Variants in BCL2L13 observed in about 807,000 individuals in gnomAD.
BCL2L13 encodes bcl-2-like protein 13.
A neutral mutation model predicts 25.8 loss-of-function variants in BCL2L13; 13 were observed. That is an observed-to-expected ratio of 0.50 (90% CI 0.33 to 0.80). BCL2L13 has a LOEUF of 0.80. BCL2L13 is among the 30% of genes least tolerant of loss of function. The pLI is 0.02. For synonymous variants in BCL2L13, 244 were observed against 230.3 expected (o/e 1.06, Z -0.54); for missense variants, 504 against 574.9 (o/e 0.88, Z 1.26).
At chr22:17,721,341 T>C (rs2145820343) in intron 6 of BCL2L13, among the ~76,000 whole-genome samples, 1 of 152,294 alleles carries the variant, frequency 6.6e-6, no homozygotes, top group East Asian at 1.9e-4. Context: ...GCCCTGTTCA[T>C]ATTTACATTC....
intron 6 of BCL2L13, among the ~76,000 whole-genome samples, chr22:17,721,093 C>G (rs1388558220): frequency 6.6e-6 from 1 of 151,980 alleles, no homozygotes; most frequent in Admixed American, 6.6e-5. Context: ...TGGCATGAAC[C>G]CGGGAGGTGG....
chr22:17,726,350 T>TAAA (rs56121786), intron 6 of BCL2L13, among the ~76,000 whole-genome samples: 1 of 137,088 alleles, frequency 7.3e-6, no homozygotes, highest in Admixed American at 7.3e-5. Context: ...GACTCCATCT[T>TAAA]AAAAAAAAAA....
intron 3 of BCL2L13, among the ~76,000 whole-genome samples, chr22:17,687,491 C>T (rs900654476): frequency 6.6e-5 from 10 of 151,986 alleles, no homozygotes; most frequent in African/African-American, 2.4e-4. Flanking sequence ...TAGGCGTGTG[C>T]CACAGCACCC....
chr22:17,655,050 C>G (rs2058809597), intron 1 of BCL2L13, among the ~76,000 whole-genome samples: 3 of 126,970 alleles, frequency 2.4e-5, no homozygotes, highest in African/African-American at 6.2e-5. Context: ...AAGCTTTTTT[C>G]TGTTTTTAAA....
At chr22:17,702,411 T>A (rs1357601288) in intron 6 of BCL2L13, 25 bp downstream of exon 6, 1 of 1,499,962 alleles carries the variant, frequency 6.7e-7, no homozygotes, top group Non-Finnish European at 8.9e-7. Context: ...ATATTAAAAA[T>A]ATTTTCTTGA....
At chr22:17,689,244 C>T in intron 4 of BCL2L13, 102 bp downstream of exon 4, 1 of 972,552 alleles carries the variant, frequency 1.0e-6, no homozygotes, top group Non-Finnish European at 1.4e-6. Flanking sequence ...AACAGTGTCA[C>T]TTCTTTTCTC....
At chr22:17,631,050 T>C (rs1054299997) in intron 1 of BCL2L13, among the ~76,000 whole-genome samples, 3 of 152,102 alleles carry the variant, frequency 2.0e-5, no homozygotes, top group African/African-American at 7.2e-5. Flanking sequence ...CTCAGACTTA[T>C]CTTTCTTGAT....
intron 1 of BCL2L13, among the ~76,000 whole-genome samples, chr22:17,639,856 CTTTT>C (rs113964087): frequency 1.4e-5 from 2 of 140,888 alleles, no homozygotes; most frequent in Admixed American, 7.1e-5. Flanking sequence ...TACCTTCTTT[CTTTT>C]TTTTTTTTTT....
At chr22:17,636,310 G>C (rs2058104899), upstream of BCL2L13, among the ~76,000 whole-genome samples, 1 of 148,704 alleles carries the variant, frequency 6.7e-6, no homozygotes, top group African/African-American at 2.5e-5. Flanking sequence ...GCAACAGAGG[G>C]AGACTCCGTC....
rs146448573 is a variant in BCL2L13, at chr22:17,681,201, C to T, written c.122-2013C>T. Among the ~76,000 whole-genome samples the T allele has an allele frequency of 7.9e-5, 12 of 151,810 alleles. No individual in the cohort carries two copies. In the East Asian group the frequency reaches 1.4e-3, roughly 17 times the overall value. ...GGGTGTGAGTATGTGAATTCAGGGA[C>T]GGGGAAAGAAGGAGAATTAGATGGG... On this transcript the variant is annotated intron_variant, in intron 2 of 6. Coordinates refer to ENST00000317582, the MANE Select transcript of BCL2L13 (RefSeq NM_015367.4).
Position 17,727,103 on chromosome 22 carries a change from G to A in BCL2L13, c.1027G>A (p.Ala343Thr). The change falls in exon 7 of 7, where the codon GCT (alanine) becomes ACT (threonine). Residue 343 changes from alanine (A) to threonine (T), a missense_variant. Physicochemically the swap from Ala to Thr is moderately conservative, Grantham distance 58 (BLOSUM62 0). Transcript: ENST00000317582. Reference sequence around the variant, plus strand: ...GCAAGAGGCACTTCCTGAAGCCCCAGCTCCCTTGCTTCCACATATCACTGC... The same window carrying A: ...GCAAGAGGCACTTCCTGAAGCCCCAACTCCCTTGCTTCCACATATCACTGC... ...ELQEALPEAPAPLLPHITATS... is the reference protein window; with the variant it reads ...ELQEALPEAPTPLLPHITATS... The A allele has an allele frequency of 6.2e-7, 1 of 1,614,220 alleles. No homozygotes were observed. Among genetic ancestry groups the A allele is most frequent in the Non-Finnish European group, 8.5e-7 (1 of 1,180,050 alleles).
intron 2 of BCL2L13, among the ~76,000 whole-genome samples, chr22:17,662,337 G>A (rs1373981887): frequency 6.6e-6 from 1 of 152,130 alleles, no homozygotes; most frequent in East Asian, 1.9e-4. Context: ...AATTAGCCAG[G>A]CATGGTGGCA....
intron 2 of BCL2L13, among the ~76,000 whole-genome samples, chr22:17,672,382 A>G (rs919236593): frequency 6.6e-6 from 1 of 152,230 alleles, no homozygotes; most frequent in Admixed American, 6.5e-5. Context: ...TTAATCTTCT[A>G]TTCACTTTGA....
At chr22:17,639,844 G>C (rs926322497) in intron 1 of BCL2L13, among the ~76,000 whole-genome samples, 4 of 150,334 alleles carry the variant, frequency 2.7e-5, no homozygotes, top group Non-Finnish European at 4.4e-5. Context: ...ACACCCTTCA[G>C]ATACCTTCTT....
intron 1 of BCL2L13, among the ~76,000 whole-genome samples, chr22:17,648,529 C>T (rs572101035): frequency 4.0e-5 from 6 of 151,516 alleles, no homozygotes; most frequent in South Asian, 2.1e-4. Context: ...GAGACTCCAT[C>T]GCTACAAAAA....
At chr22:17,691,006 CTTCT>C (rs1371972412) in intron 4 of BCL2L13, among the ~76,000 whole-genome samples, 1 of 151,804 alleles carries the variant, frequency 6.6e-6, no homozygotes, top group Non-Finnish European at 1.5e-5. Context: ...CCTCTCCACT[CTTCT>C]TTCTTTTTTA....
intron 1 of BCL2L13, among the ~76,000 whole-genome samples, chr22:17,631,670 G>GTGTGTA (rs1203626385): frequency 1.5e-4 from 4 of 26,892 alleles, no homozygotes; most frequent in Admixed American, 5.2e-4. Flanking sequence ...GTGTGTGTGT[G>GTGTGTA]TATATATATA....
chr22:17,725,081 T>C (rs2061258442), intron 6 of BCL2L13, among the ~76,000 whole-genome samples: 1 of 152,230 alleles, frequency 6.6e-6, no homozygotes, highest in Non-Finnish European at 1.5e-5. Context: ...AGGCCTGTGC[T>C]GTAGGGCTTT....
chr22:17,706,001 C>T (rs901839000), intron 6 of BCL2L13, among the ~76,000 whole-genome samples: 1 of 152,176 alleles, frequency 6.6e-6, no homozygotes, highest in African/African-American at 2.4e-5. Context: ...ATTTTGTTTT[C>T]TGAATTATTA....
Sources: allele counts gnomAD v4.1 joint callset (sites outside exome capture counted in the v4.1 genomes callset), GRCh38; gene constraint gnomAD v4.1.1; transcripts MANE v1.5; gene names NCBI Gene and HGNC (gene_info 2026-07-23, HGNC 2026-07-21).